The following OR56A4 variants were observed in gnomAD, a reference collection of about 807,000 sequenced individuals.
The protein encoded by OR56A4 is olfactory receptor 56A4.
In OR56A4, 9 loss-of-function variants were observed where a neutral mutation model predicts 13.6. The observed-to-expected ratio is 0.66, with a 90% CI of 0.40 to 1.15. OR56A4 has a LOEUF of 1.15. OR56A4 is among the 50% of genes most tolerant of loss of function. The pLI is 0.01. For missense variants in OR56A4, 380 were observed against 375.9 expected (o/e 1.01, Z -0.09); for synonymous variants, 167 against 153.9 (o/e 1.08, Z -0.63).
chr11:6,003,693 C>G (rs1848235742), intron 2 of OR56A4, among the ~76,000 whole-genome samples: 2 of 152,126 alleles, frequency 1.3e-5, no homozygotes, highest in South Asian at 4.1e-4. Flanking sequence ...TGGCCCCCAC[C>G]TGAAATCCAT....
chr11:6,003,012 C>G lies in OR56A4; in HGVS notation c.-20G>C. On this transcript the variant is annotated 5_prime_UTR_variant, in exon 3 of 3. Transcript: ENST00000641156. ...TGCCATGTAAAGTTTCCTGATCAATCTGGAGACCCAGTGTACCTTAAAACG... is the reference window on the plus strand; with the variant it reads ...TGCCATGTAAAGTTTCCTGATCAATGTGGAGACCCAGTGTACCTTAAAACG... The G allele has an allele frequency of 1.2e-6, 2 of 1,614,104 alleles. No homozygotes were observed. Among genetic ancestry groups the G allele is most frequent in the Non-Finnish European group, 1.7e-6 (2 of 1,179,992 alleles).
chr11:6,003,451 G>C (rs914509840), intron 2 of OR56A4, among the ~76,000 whole-genome samples: 29 of 152,100 alleles, frequency 1.9e-4, no homozygotes, highest in Admixed American at 8.5e-4. Context: ...ACTTATTCCA[G>C]TTCAAGTTTA....
rs1433005222 is a variant in OR56A4 at position 6,000,960 on chromosome 11, G to A, written c.*1091C>T. 2 of 152,196 alleles carry A rather than the reference G, an allele frequency of 1.3e-5. No individual in the cohort carries two copies. Among genetic ancestry groups the A allele is most frequent in the African/African-American group, 4.8e-5 (2 of 41,444 alleles). The allele number at this position is 152,196 out of a possible 1,614,324, so 9.4% of individuals were successfully genotyped here. ...AATGGAAGTAGGATAGTCCAGTTGG[G>A]ACAGTTGTCAAACAATGCCTGGACA... On this transcript the variant is annotated 3_prime_UTR_variant, in exon 3 of 3. Transcript: ENST00000641156.
chr11:6,002,885 A>G lies in OR56A4; in HGVS notation c.108T>C (p.Leu36=), dbSNP rs1424433368. The G allele has an allele frequency of 1.9e-6, 3 of 1,614,034 alleles. No homozygotes were observed. Among genetic ancestry groups the G allele is most frequent in the Admixed American group, 3.3e-5 (2 of 60,014 alleles). Residue 36 remains leucine (L), a synonymous_variant, in exon 3 of 3, where the codon CTT becomes CTC. Transcript: ENST00000641156. ...WQHWLSLPLS[L]LFLLAMGANT... Reference sequence around the variant, plus strand: ...TAGCTCCCATGGCCAGGAGGAAGAGAAGGCTGAGGGGCAGAGACAACCAGT... The same window carrying G: ...TAGCTCCCATGGCCAGGAGGAAGAGGAGGCTGAGGGGCAGAGACAACCAGT...
intron 2 of OR56A4, among the ~76,000 whole-genome samples, chr11:6,003,715 G>C (rs914202889): frequency 6.6e-6 from 1 of 152,046 alleles, no homozygotes; most frequent in Non-Finnish European, 1.5e-5. Context: ...TTTTTTCCTT[G>C]TCAGTGTTAT....
rs1165226799 is a variant in OR56A4 at position 6,000,597 on chromosome 11, A to G, written c.*1454T>C. ...CCTGCACATTGTGCACATGTACTCT[A>G]AAACTTAAAACATAATAAAAAAATA... On this transcript the variant is annotated 3_prime_UTR_variant, in exon 3 of 3. Coordinates refer to ENST00000641156, the MANE Select transcript of OR56A4 (RefSeq NM_001005179.4). The G allele has an allele frequency of 1.3e-5, 2 of 152,194 alleles. No individual in the cohort carries two copies. Among genetic ancestry groups the G allele is most frequent in the Non-Finnish European group, 2.9e-5 (2 of 68,048 alleles). The allele number at this position is 152,194 out of a possible 1,614,324, so 9.4% of individuals were successfully genotyped here.
At position 5,999,609 on chromosome 11, in the gene OR56A4, T is replaced by C. The variant is rs902358883; in HGVS notation, c.*2442A>G. ...GTTCATTTTGTGCTGGCTAAAAATA[T>C]GGCTCTCTGTTAGGTACTATAAGGA... On this transcript the variant is annotated 3_prime_UTR_variant, in exon 3 of 3. Coordinates refer to ENST00000641156, the MANE Select transcript of OR56A4 (RefSeq NM_001005179.4). 1 of 152,232 alleles carries C rather than the reference T, an allele frequency of 6.6e-6. No homozygotes were observed. Among genetic ancestry groups the C allele is most frequent in the Non-Finnish European group, 1.5e-5 (1 of 68,042 alleles). 9.4% of individuals were successfully genotyped at this position (152,232 alleles called of 1,614,324 possible).
In OR56A4 at chr11:6,001,941, T is replaced by A. The variant is rs2133571854; in HGVS notation, c.*110A>T. On this transcript the variant is annotated 3_prime_UTR_variant, in exon 3 of 3. Coordinates refer to ENST00000641156, the MANE Select transcript of OR56A4 (RefSeq NM_001005179.4). Reference sequence around the variant, plus strand: ...ATATTGAGAACAGAAGAATCCGAACTCAGGCAGGATTTAAAGTGAAATTTC... The same window carrying A: ...ATATTGAGAACAGAAGAATCCGAACACAGGCAGGATTTAAAGTGAAATTTC... 9.0e-7 allele frequency: 1 copy of A among 1,108,470 alleles called. No individual in the cohort carries two copies. Among genetic ancestry groups the A allele is most frequent in the East Asian group, 2.5e-5 (1 of 39,724 alleles). 68.7% of individuals were successfully genotyped at this position (1,108,470 alleles called of 1,614,324 possible).
rs1211786582 is a variant in OR56A4, at chr11:6,002,798, C to T, written c.195G>A (p.Leu65=). 1 of 1,613,508 alleles carries T rather than the reference C, an allele frequency of 6.2e-7. No homozygotes were observed. Among genetic ancestry groups the T allele is most frequent in the African/African-American group, 1.3e-5 (1 of 75,022 alleles). ...TGTCCAGCAGGGAGAGGAGGCTGAGCAGGTAGTACAGGGGCTGGTGCAGAG... is the reference window on the plus strand; with the variant it reads ...TGTCCAGCAGGGAGAGGAGGCTGAGTAGGTAGTACAGGGGCTGGTGCAGAG... ...EASLHQPLYY[L]LSLLSLLDIV... is the part of the protein sequence containing the mutation. The change falls in exon 3 of 3, where the codon CTG becomes CTA. Residue 65 remains leucine (L), a synonymous_variant. Coordinates refer to ENST00000641156, the MANE Select transcript of OR56A4 (RefSeq NM_001005179.4).
intron 2 of OR56A4, among the ~76,000 whole-genome samples, chr11:6,005,173 T>C (rs1848247926): frequency 6.6e-6 from 1 of 152,154 alleles, no homozygotes; most frequent in Non-Finnish European, 1.5e-5. Flanking sequence ...ATACGTAACT[T>C]TAGGTGTTAT....
In OR56A4 at chr11:6,002,875, G is replaced by A. The variant is rs115418679; in HGVS notation, c.118C>T (p.Leu40=). 36 of 1,614,096 alleles carry A rather than the reference G, an allele frequency of 2.2e-5. No homozygotes were observed. In the Middle Eastern group the frequency reaches 6.6e-4, roughly 30 times the overall value. The change falls in exon 3 of 3, where the codon CTG becomes TTG. Residue 40 remains leucine, a synonymous_variant. Transcript: ENST00000641156. ...AGGGTGGTGTTAGCTCCCATGGCCAGGAGGAAGAGAAGGCTGAGGGGCAGA... is the reference window on the plus strand; with the variant it reads ...AGGGTGGTGTTAGCTCCCATGGCCAAGAGGAAGAGAAGGCTGAGGGGCAGA... ...LSLPLSLLFL[L]AMGANTTLLI... is the part of the protein sequence containing the mutation.
At position 6,002,500 on chromosome 11, in the gene OR56A4, G is replaced by A. The variant is rs1246547132; in HGVS notation, c.493C>T (p.Leu165Phe). Residue 165 changes from leucine to phenylalanine, a missense_variant, in exon 3 of 3, where the codon CTT becomes TTT. Leu to Phe is a conservative substitution (Grantham distance 22). Coordinates refer to ENST00000641156, the MANE Select transcript of OR56A4 (RefSeq NM_001005179.4). ...GCACAGTATCTGAGCCTGGCAGAAA[G>A]CATGGGAACAGGAAGAGAAACAAAG... ...NAFVSLPVPM[L>F]SARLRYCAGN... 1 of 1,614,246 alleles carries A rather than the reference G, an allele frequency of 6.2e-7. No homozygotes were observed.
intron 2 of OR56A4, 72 bp from the exon 3 acceptor site, chr11:6,003,100 T>C: frequency 6.2e-7 from 1 of 1,606,196 alleles, no homozygotes; most frequent in East Asian, 2.2e-5. Flanking sequence ...GGGTTTCCAC[T>C]GAGGCCCTGT....
In OR56A4 at chr11:6,002,918, G is replaced by A. The variant is rs544610117; in HGVS notation, c.75C>T (p.Ser25=). Residue 25 remains serine (S), a synonymous_variant, in exon 3 of 3, where the codon AGC becomes AGT. Transcript: ENST00000641156. The part of the protein sequence containing the change: ...FLLICFPNFQ[S]WQHWLSLPLS... ...GGGGCAGAGACAACCAGTGCTGCCA[G>A]CTCTGGAAGTTGGGGAAGCAGATGA... 2.3e-5 allele frequency: 37 copies of A among 1,613,996 alleles called. No individual in the cohort carries two copies. The highest frequency in any genetic ancestry group is 2.7e-5 in the Non-Finnish European group (32 of 1,179,926).
chr11:6,006,515 GAACT>G (rs772183387), intron 1 of OR56A4, 112 bp from the exon 2 acceptor site: 1 of 152,214 alleles, frequency 6.6e-6, no homozygotes, highest in Non-Finnish European at 1.5e-5. Context: ...GACAGATTCT[GAACT>G]AACCAAAATG....
chr11:6,004,880 C>T (rs774427785), intron 2 of OR56A4, among the ~76,000 whole-genome samples: 12 of 152,250 alleles, frequency 7.9e-5, no homozygotes, highest in African/African-American at 2.4e-5. Context: ...GACAGCAGTA[C>T]GTTGCATAAT....
In OR56A4 at chr11:5,999,795, T is replaced by G. The variant is rs1194741572; in HGVS notation, c.*2256A>C. The G allele has an allele frequency of 6.6e-6, 1 of 152,204 alleles. No homozygotes were observed. Among genetic ancestry groups the G allele is most frequent in the African/African-American group, 2.4e-5 (1 of 41,436 alleles). 9.4% of individuals were successfully genotyped at this position (152,204 alleles called of 1,614,324 possible). ...GACAGTAAAAGTAGCCATGCAGAAT[T>G]TTAAAGATGAATAAAATACTCTCAA... On this transcript the variant is annotated 3_prime_UTR_variant, in exon 3 of 3. Coordinates refer to ENST00000641156, the MANE Select transcript of OR56A4 (RefSeq NM_001005179.4).
chr11:6,002,262 C>A lies in OR56A4; in HGVS notation c.731G>T (p.Cys244Phe). Residue 244 changes from cysteine (C) to phenylalanine (F), a missense_variant, in exon 3 of 3, where the codon TGT becomes TTT. By Grantham distance (205) the Cys-to-Phe change is radical. Transcript: ENST00000641156. Reference protein sequence around the residue: ...EGAVAKALSTCGSHFILILFF... With the variant: ...EGAVAKALSTFGSHFILILFF... The stretch of plus-strand genomic sequence containing the variant: ...GAGGATGAGGATGAAGTGGGAACCA[C>A]ACGTGCTCAAGGCCTTGGCCACAGC... The A allele has an allele frequency of 1.9e-6, 3 of 1,614,146 alleles. No individual in the cohort carries two copies. The highest frequency in any genetic ancestry group is 2.2e-5 in the South Asian group (2 of 91,072).
At position 6,006,399 on chromosome 11, in the gene OR56A4, C is replaced by G. The variant is rs1344579370; in HGVS notation, c.-187G>C. ...TATGCCAACTCCATCAGTTCATACC[C>G]TAGACTGATATTCACAAAGGAGTGG... On this transcript the variant is annotated 5_prime_UTR_variant, in exon 2 of 3. Coordinates refer to ENST00000641156, the MANE Select transcript of OR56A4 (RefSeq NM_001005179.4). 6.6e-6 allele frequency: 1 copy of G among 152,122 alleles called. No individual in the cohort carries two copies. 9.4% of individuals were successfully genotyped at this position (152,122 alleles called of 1,614,324 possible).
Sources: allele counts gnomAD v4.1 joint callset (sites outside exome capture counted in the v4.1 genomes callset), GRCh38; gene constraint gnomAD v4.1.1; transcripts MANE v1.5; gene names NCBI Gene and HGNC (gene_info 2026-07-23, HGNC 2026-07-21).